The following SNX29 variants were observed in gnomAD, a reference collection of about 807,000 sequenced individuals.
SNX29 encodes sorting nexin 29.
SNX29 carries 78 observed loss-of-function variants against 102.1 expected under a neutral mutation model. The ratio of observed to expected loss-of-function variants is 0.76; its 90% CI spans 0.64 to 0.92. The LOEUF is 0.92. Among genes scored for constraint, SNX29 ranks in the 40% least tolerant of loss-of-function variants. SNX29 has a pLI of 0.00. For synonymous variants in SNX29, 580 were observed against 414.5 expected (o/e 1.40, Z -4.85); for missense variants, 1,280 against 1,061.7 (o/e 1.21, Z -2.86).
At chr16:12,247,370 C>T (rs2078289929) in intron 14 of SNX29, among the ~76,000 whole-genome samples, 1 of 152,234 alleles carries the variant, frequency 6.6e-6, no homozygotes, top group Middle Eastern at 3.2e-3. Flanking sequence ...TGTAGCCTTT[C>T]TTCCTTTACT....
intron 15 of SNX29, among the ~76,000 whole-genome samples, chr16:12,348,485 C>T (rs978314323): frequency 1.3e-5 from 2 of 152,216 alleles, no homozygotes; most frequent in African/African-American, 4.8e-5. Flanking sequence ...TTCCCCTCTG[C>T]CTGCTGATGG....
intron 13 of SNX29, among the ~76,000 whole-genome samples, chr16:12,198,222 T>C (rs1322043383): frequency 6.6e-6 from 1 of 152,178 alleles, no homozygotes; most frequent in African/African-American, 2.4e-5. Flanking sequence ...CATGGGAAAG[T>C]GTTGAGTGGA....
At chr16:12,502,213 T>C (rs2089159319) in intron 19 of SNX29, among the ~76,000 whole-genome samples, 1 of 152,136 alleles carries the variant, frequency 6.6e-6, no homozygotes, top group Non-Finnish European at 1.5e-5. Context: ...TTTGGGACAG[T>C]GGCAGTGAGG....
chr16:12,185,210 G>A (rs1353879197), intron 13 of SNX29, among the ~76,000 whole-genome samples: 3 of 152,254 alleles, frequency 2.0e-5, no homozygotes, highest in Admixed American at 1.3e-4. Context: ...GGTAGATAAC[G>A]GAAGTGAATA....
Position 12,558,989 on chromosome 16 carries a change from A to G in SNX29, c.2319-9517A>G, listed in dbSNP as rs1026720786. Among the ~76,000 whole-genome samples, 8 of 152,318 alleles carry G rather than the reference A, an allele frequency of 5.3e-5. No individual in the cohort carries two copies. The South Asian group carries it at 8.3e-4, about 16-fold the overall frequency. Reference sequence around the variant, plus strand: ...AGAGGGATTCAGAGACTTTAAAGAAATTTACACAGTTATGGGGGAGAGAGA... The same window carrying G: ...AGAGGGATTCAGAGACTTTAAAGAAGTTTACACAGTTATGGGGGAGAGAGA... On this transcript the variant is annotated intron_variant, in intron 20 of 20. Transcript: ENST00000566228.
At chr16:12,231,539 AAAACAAAAAAC>A (rs1261216174) in intron 14 of SNX29, among the ~76,000 whole-genome samples, 1 of 51,562 alleles carries the variant, frequency 1.9e-5, no homozygotes, top group Admixed American at 2.9e-4. Context: ...TTTTAAAAAA[AAAACAAAAAAC>A]AAAAAACAAA....
intron 3 of SNX29, among the ~76,000 whole-genome samples, chr16:12,014,864 C>T (rs1022251998): frequency 4.0e-5 from 6 of 151,782 alleles, no homozygotes; most frequent in African/African-American, 1.5e-4. Flanking sequence ...ATGTACCTTT[C>T]TGCTATTCTC....
intron 14 of SNX29, among the ~76,000 whole-genome samples, chr16:12,216,623 C>T (rs1336435190): frequency 1.3e-5 from 2 of 152,176 alleles, no homozygotes; most frequent in Non-Finnish European, 2.9e-5. Flanking sequence ...AGCATGAAGA[C>T]TTAGATTGTG....
chr16:12,182,138 C>T (rs1441693969), intron 13 of SNX29, among the ~76,000 whole-genome samples: 1 of 148,022 alleles, frequency 6.8e-6, no homozygotes, highest in Non-Finnish European at 1.5e-5. Context: ...CTACCTGTTT[C>T]GGTCTCCCAA....
intron 16 of SNX29, among the ~76,000 whole-genome samples, chr16:12,389,849 G>A (rs1240375496): frequency 6.6e-6 from 1 of 152,200 alleles, no homozygotes; most frequent in Non-Finnish European, 1.5e-5. Context: ...GAAGTCTGCA[G>A]CCCAGGGACC....
intron 3 of SNX29, among the ~76,000 whole-genome samples, chr16:12,004,467 CAT>C (rs1386492937): frequency 6.6e-6 from 1 of 152,160 alleles, no homozygotes; most frequent in African/African-American, 2.4e-5. Flanking sequence ...GTAGGAGACA[CAT>C]AGGCATCCAG....
At chr16:12,431,434 C>CTTCTTTTTTTTTTTTTTTTTTTTTTTTTT (rs779738786) in intron 18 of SNX29, among the ~76,000 whole-genome samples, 2 of 136,952 alleles carry the variant, frequency 1.5e-5, no homozygotes, top group African/African-American at 2.7e-5. Context: ...TCTTCTTCTT[C>CTTCTTTTTTTTTTTTTTTTTTTTTTTTTT]TTTTTTTTTT....
At chr16:12,007,941 C>T (rs2056511324) in intron 3 of SNX29, among the ~76,000 whole-genome samples, 1 of 152,126 alleles carries the variant, frequency 6.6e-6, no homozygotes, top group African/African-American at 2.4e-5. Flanking sequence ...AAGCTTTTCA[C>T]TACTTTTTCT....
intron 17 of SNX29, among the ~76,000 whole-genome samples, chr16:12,402,576 C>T (rs750909355): frequency 6.6e-6 from 1 of 152,168 alleles, no homozygotes; most frequent in Admixed American, 6.5e-5. Flanking sequence ...AATTTGGATC[C>T]AGCCGGGTAC....
intron 11 of SNX29, among the ~76,000 whole-genome samples, chr16:12,115,497 G>GTT (rs1482979987): frequency 1.3e-5 from 2 of 151,094 alleles, no homozygotes; most frequent in Admixed American, 6.6e-5. Flanking sequence ...GTGTGTGTGT[G>GTT]TGTGTGTGTG....
At chr16:12,537,333 G>A (rs905636171) in intron 20 of SNX29, among the ~76,000 whole-genome samples, 1 of 152,232 alleles carries the variant, frequency 6.6e-6, no homozygotes, top group Admixed American at 6.5e-5. Context: ...AGCTCTGTTA[G>A]TAAATTCCTA....
intron 15 of SNX29, among the ~76,000 whole-genome samples, chr16:12,334,331 T>G (rs1183200099): frequency 6.6e-6 from 1 of 152,132 alleles, no homozygotes; most frequent in East Asian, 1.9e-4. Flanking sequence ...TGAGAGACTT[T>G]GAGGTCTGGG....
intron 19 of SNX29, among the ~76,000 whole-genome samples, chr16:12,524,454 G>T (rs1225499310): frequency 6.6e-6 from 1 of 151,708 alleles, no homozygotes; most frequent in African/African-American, 2.4e-5. Context: ...TGTCCCATTT[G>T]AATAGGAACA....
intron 13 of SNX29, among the ~76,000 whole-genome samples, chr16:12,135,380 G>A (rs2054622099): frequency 6.6e-6 from 1 of 152,212 alleles, no homozygotes; most frequent in East Asian, 1.9e-4. Context: ...CCTGCCCTCT[G>A]CCCCTACAGG....
Sources: allele counts gnomAD v4.1 joint callset (sites outside exome capture counted in the v4.1 genomes callset), GRCh38; gene constraint gnomAD v4.1.1; transcripts MANE v1.5; gene names NCBI Gene and HGNC (gene_info 2026-07-23, HGNC 2026-07-21).